The following YTHDC2 variants were observed in gnomAD, a reference collection of about 807,000 sequenced individuals.
The protein encoded by YTHDC2 is YTH N6-methyladenosine RNA binding protein C2.
YTHDC2 carries 45 observed loss-of-function variants against 174.9 expected under a neutral mutation model. That is an observed-to-expected ratio of 0.26 (90% CI 0.20 to 0.33). The LOEUF (loss-of-function observed/expected upper bound fraction) is 0.33. Among genes scored for constraint, YTHDC2 ranks in the 10% least tolerant of loss-of-function variants. The probability of loss-of-function intolerance (pLI) is 1.00; values close to 1 mark genes in which losing one functional copy is unlikely to be tolerated. For synonymous variants in YTHDC2, 657 were observed against 574.5 expected (o/e 1.14, Z -2.05); for missense variants, 1,650 against 1,723.7 (o/e 0.96, Z 0.76).
chr5:113,590,140 A>G (rs1185766128), intron 26 of YTHDC2, among the ~76,000 whole-genome samples: 1 of 152,126 alleles, frequency 6.6e-6, no homozygotes, highest in East Asian at 1.9e-4. Flanking sequence ...CAACCTTTGT[A>G]TATTCTTTGT....
At chr5:113,539,265 C>G (rs977030029) in intron 8 of YTHDC2, 84 bp downstream of exon 8, 2 of 517,638 alleles carry the variant, frequency 3.9e-6, no homozygotes, top group Non-Finnish European at 6.5e-6. Flanking sequence ...TGTGGAGGTA[C>G]AAGGACACTT....
In YTHDC2 at chr5:113,532,921, C is replaced by A; in HGVS notation, c.718C>A (p.Pro240Thr). 6.2e-7 allele frequency: 1 copy of A among 1,613,692 alleles called. No individual in the cohort carries two copies. The highest frequency in any genetic ancestry group is 2.2e-5 in the East Asian group (1 of 44,866). Residue 240 changes from proline to threonine, a missense_variant, in exon 5 of 30, where the codon CCC (proline) becomes ACC (threonine). Physicochemically the swap from Pro to Thr is conservative, Grantham distance 38 (BLOSUM62 -1). Transcript: ENST00000161863. The part of the protein sequence containing the change: ...LLDDCFKNGI[P>T]CRIFCTQPRR... ...AGATGATTGCTTTAAAAATGGTATC[C>A]CCTGCCGTATATTTTGTACTCAACC...
At chr5:113,585,011 G>A (rs1778601774) in intron 26 of YTHDC2, among the ~76,000 whole-genome samples, 1 of 151,776 alleles carries the variant, frequency 6.6e-6, no homozygotes, top group African/African-American at 2.4e-5. Flanking sequence ...AAACTCCTGG[G>A]CTCAAGTGAT....
intron 10 of YTHDC2, among the ~76,000 whole-genome samples, chr5:113,547,729 G>A (rs1007823437): frequency 6.7e-6 from 1 of 150,206 alleles, no homozygotes; most frequent in Non-Finnish European, 1.5e-5. Context: ...GAACACTGAT[G>A]TATATTGATA....
Position 113,513,960 on chromosome 5 carries a change from C to T in YTHDC2, c.65C>T (p.Pro22Leu). The T allele has an allele frequency of 5.0e-6, 8 of 1,603,030 alleles. No homozygotes were observed. The highest frequency in any genetic ancestry group is 6.8e-6 in the Non-Finnish European group (8 of 1,175,034). ...PAPGGGGGGG[P>L]SPCGPGGGGR... ...CCTGGCGGTGGCGGAGGCGGCGGCCCCTCGCCTTGTGGCCCTGGGGGCGGC... is the reference window on the plus strand; with the variant it reads ...CCTGGCGGTGGCGGAGGCGGCGGCCTCTCGCCTTGTGGCCCTGGGGGCGGC... The change falls in exon 1 of 30, where the codon CCC (proline) becomes CTC (leucine). Residue 22 changes from proline to leucine, a missense_variant. Around this residue, in one of 5 missense-constraint regions of YTHDC2, gnomAD observed 304 missense variants for 341.4 expected, o/e 0.89. Transcript: ENST00000161863.
chr5:113,569,971 G>A (rs894439187), intron 23 of YTHDC2, among the ~76,000 whole-genome samples: 5 of 152,112 alleles, frequency 3.3e-5, no homozygotes, highest in African/African-American at 9.7e-5. Flanking sequence ...CCATGAGCAT[G>A]GAACGTTTTT....
Position 113,591,137 on chromosome 5 carries a change from G to A in YTHDC2, c.3922G>A (p.Gly1308Ser), listed in dbSNP as rs1416661973. Residue 1308 changes from glycine to serine, a missense_variant, in exon 27 of 30, where the codon GGT (glycine) becomes AGT (serine). Gly to Ser is a moderately conservative substitution (Grantham distance 56, BLOSUM62 0). This residue lies in a region of YTHDC2 where 913 missense variants were observed against 940.4 expected (regional missense o/e 0.97). Coordinates refer to ENST00000161863, the MANE Select transcript of YTHDC2 (RefSeq NM_022828.5). ...AAACCTTGAAATTTCTCAACAGAAG[G>A]GTATCTGGTCTACAACTCCTAGTAA... ...LRNLEISQQKGIWSTTPSNER... is the reference protein window; with the variant it reads ...LRNLEISQQKSIWSTTPSNER... The A allele has an allele frequency of 1.9e-6, 3 of 1,613,740 alleles. No individual in the cohort carries two copies. Among genetic ancestry groups the A allele is most frequent in the Non-Finnish European group, 2.5e-6 (3 of 1,179,890 alleles).
rs183270517 is a variant in YTHDC2 at position 113,553,621 on chromosome 5, C to T, written c.1899C>T (p.Asp633=). 1,790 of 1,613,344 alleles carry T rather than the reference C, an allele frequency of 1.1e-3. 27 individuals are homozygous for T. The South Asian group carries it at 0.018, about 17-fold the overall frequency. Residue 633 remains aspartate (D), a synonymous_variant, in exon 14 of 30, where the codon GAC becomes GAT. Coordinates refer to ENST00000161863, the MANE Select transcript of YTHDC2 (RefSeq NM_022828.5). ...TACTAATTTTTCTGCCTGGATATGA[C>T]GAAATTGTTGGACTGAGAGATCGCA... ...GAVLIFLPGY[D]EIVGLRDRIL... is the part of the protein sequence containing the mutation.
At chr5:113,517,701 T>C in intron 2 of YTHDC2, 1 of 398,258 alleles carries the variant, frequency 2.5e-6, no homozygotes, top group South Asian at 1.8e-5. Context: ...TCTCTTTTTT[T>C]CATCTTTGAG....
rs34243829 is a variant in YTHDC2, at chr5:113,589,408, AAT to A, written c.3826-1610_3826-1609del. Among the ~76,000 whole-genome samples the A allele has an allele frequency of 2.9e-3, 361 of 123,230 alleles. 3 individuals carry two copies. Among genetic ancestry groups the A allele is most frequent in the Middle Eastern group, 4.3e-3 (1 of 230 alleles). 80.8% of individuals were successfully genotyped at this position (123,230 alleles called of 152,430 possible). On this transcript the variant is annotated intron_variant, in intron 26 of 29. Coordinates refer to ENST00000161863, the MANE Select transcript of YTHDC2 (RefSeq NM_022828.5). ...TCTTTTAAAAATTAAAAAAAAAAAA[AAT>A]ATATATATATATATATATATATGTA...
chr5:113,564,319 C>T (rs1777195997), intron 20 of YTHDC2, among the ~76,000 whole-genome samples, 188 bp downstream of exon 20: 1 of 152,014 alleles, frequency 6.6e-6, no homozygotes, highest in Non-Finnish European at 1.5e-5. Flanking sequence ...AACAGTTTTG[C>T]TCTTTTTTCC....
intron 2 of YTHDC2, chr5:113,517,578 G>A: frequency 2.2e-6 from 1 of 456,192 alleles, no homozygotes. Context: ...AGAGAAAGAA[G>A]AAAAAGGAAA....
At chr5:113,516,594 A>G (rs573622807) in intron 2 of YTHDC2, among the ~76,000 whole-genome samples, 2 of 152,140 alleles carry the variant, frequency 1.3e-5, no homozygotes, top group East Asian at 1.9e-4. Context: ...CATGCCACTA[A>G]CACTCCTAAC....
intron 10 of YTHDC2, among the ~76,000 whole-genome samples, chr5:113,545,728 A>ATTTTTTTTTTTTT (rs1159754942): frequency 2.0e-5 from 1 of 49,512 alleles, no homozygotes; most frequent in Non-Finnish European, 3.2e-5. Context: ...ATTGATCTCC[A>ATTTTTTTTTTTTT]TTTTTTTTTT....
intron 2 of YTHDC2, among the ~76,000 whole-genome samples, chr5:113,518,429 T>G (rs1773631007): frequency 6.6e-6 from 1 of 151,792 alleles, no homozygotes; most frequent in South Asian, 2.1e-4. Flanking sequence ...CTTGAACTAC[T>G]GGGCTCAAGC....
At chr5:113,578,227 CTG>C (rs148818952) in intron 23 of YTHDC2, among the ~76,000 whole-genome samples, 24,426 of 151,838 alleles carry the variant, frequency 0.16, 2,111 homozygotes, top group Non-Finnish European at 0.2. Context: ...GGGTTTCACT[CTG>C]TTATTCCGGA....
In YTHDC2 at chr5:113,539,457, A is replaced by C. The variant is rs528394406; in HGVS notation, c.1210+276A>C. 1.9e-4 allele frequency among the ~76,000 whole-genome samples: 29 copies of C among 152,364 alleles called. No homozygotes were observed. In the South Asian group the frequency reaches 6.0e-3, roughly 32 times the overall value. ...CAGCCACCTTTTAAGGAGATAGAAG[A>C]ATATATGCTGGCTGCCCACAGCATA... On this transcript the variant is annotated intron_variant, in intron 8 of 29. Transcript: ENST00000161863.
intron 4 of YTHDC2, among the ~76,000 whole-genome samples, chr5:113,532,287 A>G (rs1287912700): frequency 6.6e-6 from 1 of 152,078 alleles, no homozygotes; most frequent in African/African-American, 2.4e-5. Context: ...TTTTTTCTTG[A>G]AAGATTTCAT....
In YTHDC2 at chr5:113,514,070, G is replaced by A; in HGVS notation, c.175G>A (p.Gly59Arg). Residue 59 changes from glycine (G) to arginine (R), a missense_variant, in exon 1 of 30, where the codon GGG becomes AGG. Physicochemically the swap from Gly to Arg is moderately radical, Grantham distance 125 (BLOSUM62 -2). Coordinates refer to ENST00000161863, the MANE Select transcript of YTHDC2 (RefSeq NM_022828.5). Reference sequence around the variant, plus strand: ...TATCGCGCTGGAGCGCTTCCGATACGGGGACCAGAGAGGTGAGGTTCCGGA... The same window carrying A: ...TATCGCGCTGGAGCGCTTCCGATACAGGGACCAGAGAGGTGAGGTTCCGGA... The part of the protein sequence containing the change: ...VNIALERFRY[G>R]DQREMEFPSS... 6.2e-7 allele frequency: 1 copy of A among 1,611,800 alleles called. No individual in the cohort carries two copies. The highest frequency in any genetic ancestry group is 8.5e-7 in the Non-Finnish European group (1 of 1,179,128).
Sources: allele counts gnomAD v4.1 joint callset (sites outside exome capture counted in the v4.1 genomes callset), GRCh38; gene constraint gnomAD v4.1.1; regional missense constraint gnomAD v4.1.1; transcripts MANE v1.5; gene names NCBI Gene and HGNC (gene_info 2026-07-23, HGNC 2026-07-21).